The following KAZN variants were observed in gnomAD, a reference collection of about 807,000 sequenced individuals.
KAZN encodes the protein kazrin.
A neutral mutation model predicts 87.4 loss-of-function variants in KAZN; 40 were observed. That is an observed-to-expected ratio of 0.46 (90% CI 0.36 to 0.60). KAZN has a LOEUF of 0.60. Among genes scored for constraint, KAZN ranks in the 20% least tolerant of loss-of-function variants. The pLI is 0.00. For missense variants in KAZN, 898 were observed against 1,073.9 expected, an observed-to-expected ratio of 0.84 and a Z score of 2.29; for synonymous variants, 466 against 458.3, an observed-to-expected ratio of 1.02 and a Z score of -0.22.
chr1:14,108,197 C>T (rs1644421741), intron 1 of KAZN, among the ~76,000 whole-genome samples: 1 of 152,052 alleles, frequency 6.6e-6, no homozygotes, highest in African/African-American at 2.4e-5. Flanking sequence ...ACATCTTATT[C>T]ACCTTCAGGT....
chr1:14,319,263 A>G (rs1055640739), intron 2 of KAZN, among the ~76,000 whole-genome samples: 1 of 151,960 alleles, frequency 6.6e-6, no homozygotes, highest in Non-Finnish European at 1.5e-5. Flanking sequence ...CCTTTACCCT[A>G]CTAAAATTCT....
chr1:14,324,174 C>CTG (rs1427413780), intron 2 of KAZN, among the ~76,000 whole-genome samples: 6 of 152,174 alleles, frequency 3.9e-5, no homozygotes, highest in Non-Finnish European at 8.8e-5. Context: ...GTTTACTACT[C>CTG]TGTAACGTGG....
chr1:15,022,320 G>C (rs1670757413), intron 2 of KAZN, among the ~76,000 whole-genome samples: 1 of 152,140 alleles, frequency 6.6e-6, no homozygotes, highest in African/African-American at 2.4e-5. Flanking sequence ...GCCCAGTCCA[G>C]CCTGAGCCTC....
At chr1:15,053,541 T>A (rs561824436) in intron 4 of KAZN, among the ~76,000 whole-genome samples, 1 of 152,322 alleles carries the variant, frequency 6.6e-6, no homozygotes, top group Non-Finnish European at 1.5e-5. Flanking sequence ...CTGGGGACTC[T>A]GGTGAGCAGA....
At chr1:14,429,129 T>C (rs1317829521) in intron 2 of KAZN, among the ~76,000 whole-genome samples, 4 of 152,152 alleles carry the variant, frequency 2.6e-5, no homozygotes, top group South Asian at 4.1e-4. Context: ...ATATAAGTTT[T>C]ATGATCTTTC....
chr1:14,472,987 C>A (rs1026923233), intron 2 of KAZN, among the ~76,000 whole-genome samples: 1 of 152,048 alleles, frequency 6.6e-6, no homozygotes, highest in Non-Finnish European at 1.5e-5. Flanking sequence ...GAGATAAATA[C>A]ACCTTTCAGT....
chr1:14,449,690 G>T (rs1162158000), intron 2 of KAZN, among the ~76,000 whole-genome samples: 1 of 152,190 alleles, frequency 6.6e-6, no homozygotes, highest in Non-Finnish European at 1.5e-5. Context: ...ATAATTTCAT[G>T]TAGGATGAGG....
intron 1 of KAZN, chr1:14,924,369 G>C: frequency 2.0e-6 from 2 of 989,408 alleles, no homozygotes; most frequent in Non-Finnish European, 2.4e-6. Context: ...CCCGGCATGC[G>C]GGCGGCCGAC....
chr1:14,698,965 C>A (rs1198347455), intron 1 of KAZN, among the ~76,000 whole-genome samples: 1 of 151,172 alleles, frequency 6.6e-6, no homozygotes, highest in Non-Finnish European at 1.5e-5. Flanking sequence ...TGACCAGGGA[C>A]AAGGACATAA....
intron 2 of KAZN, among the ~76,000 whole-genome samples, chr1:14,290,454 C>G (rs1471551314): frequency 2.6e-5 from 4 of 152,120 alleles, no homozygotes; most frequent in African/African-American, 9.7e-5. Context: ...ACCCTTTCTC[C>G]CACTTGATCG....
intron 1 of KAZN, among the ~76,000 whole-genome samples, chr1:14,770,282 C>T (rs145395858): frequency 2.4e-4 from 37 of 152,336 alleles, no homozygotes; most frequent in South Asian, 8.3e-4. Context: ...GGATGGTCAA[C>T]AGTCAATGGG....
chr1:14,533,280 A>AG (rs1443023869), intron 2 of KAZN, among the ~76,000 whole-genome samples: 2 of 152,204 alleles, frequency 1.3e-5, no homozygotes, highest in Non-Finnish European at 2.9e-5. Context: ...GACATAGAGT[A>AG]GTGGGGGGAA....
At chr1:13,940,520 C>T (rs1045003729) in intron 1 of KAZN, among the ~76,000 whole-genome samples, 3 of 152,070 alleles carry the variant, frequency 2.0e-5, no homozygotes, top group Admixed American at 6.5e-5. Flanking sequence ...ATATTTGAAA[C>T]TTCTCTCTTC....
chr1:14,861,470 T>C (rs931008739), intron 1 of KAZN, among the ~76,000 whole-genome samples: 4 of 152,352 alleles, frequency 2.6e-5, no homozygotes, highest in South Asian at 2.1e-4. Context: ...GATGTCATCA[T>C]TGAGACATAA....
intron 1 of KAZN, among the ~76,000 whole-genome samples, chr1:14,012,542 A>G (rs1212518763): frequency 6.6e-6 from 1 of 152,200 alleles, no homozygotes; most frequent in Non-Finnish European, 1.5e-5. Flanking sequence ...AGGCTGGGCA[A>G]GGTGGCTCAC....
intron 4 of KAZN, among the ~76,000 whole-genome samples, chr1:15,050,764 C>T (rs541739569): frequency 4.6e-5 from 7 of 152,246 alleles, no homozygotes; most frequent in Admixed American, 2.0e-4. Flanking sequence ...TGCCCAATCC[C>T]GAGCCCACCT....
chr1:14,221,431 C>A (rs1197518592), intron 2 of KAZN, among the ~76,000 whole-genome samples: 1 of 152,094 alleles, frequency 6.6e-6, no homozygotes, highest in African/African-American at 2.4e-5. Context: ...TGTTTGCAAT[C>A]ACGATCCATG....
intron 1 of KAZN, among the ~76,000 whole-genome samples, chr1:14,628,941 G>T (rs576896643): frequency 2.6e-5 from 4 of 151,576 alleles, no homozygotes; most frequent in African/African-American, 7.3e-5. Flanking sequence ...CTGTCTCCCG[G>T]GTTCAAGCAA....
chr1:15,049,542 G>C (rs1230412137), intron 4 of KAZN, among the ~76,000 whole-genome samples: 1 of 152,022 alleles, frequency 6.6e-6, no homozygotes, highest in Non-Finnish European at 1.5e-5. Flanking sequence ...CTGGAGTGCA[G>C]AATCACCCCA....
Sources: gnomAD v4.1 joint callset for allele counts (sites outside exome capture counted in the v4.1 genomes callset) on GRCh38, gnomAD v4.1.1 for gene constraint, MANE v1.5 for transcripts, NCBI Gene and HGNC (gene_info 2026-07-23, HGNC 2026-07-21) for gene names.